The following ZNF407 variants were observed in gnomAD, a reference collection of about 807,000 sequenced individuals.
ZNF407 encodes the protein zinc finger protein 407.
A neutral mutation model predicts 131.2 loss-of-function variants in ZNF407; 17 were observed. That is an observed-to-expected ratio of 0.13 (90% CI 0.09 to 0.19). The LOEUF is 0.19. Among genes scored for constraint, ZNF407 ranks in the 10% least tolerant of loss-of-function variants. The probability of loss-of-function intolerance (pLI) is 1.00; values close to 1 mark genes in which losing one functional copy is unlikely to be tolerated. For missense variants in ZNF407, 2,681 were observed against 2,830.6 expected (o/e 0.95, Z 1.20); for synonymous variants, 1,156 against 1,062.0 (o/e 1.09, Z -1.72).
At chr18:75,039,717 G>GCT (rs1973350304) in intron 8 of ZNF407, among the ~76,000 whole-genome samples, 1 of 55,136 alleles carries the variant, frequency 1.8e-5, no homozygotes, top group Non-Finnish European at 3.4e-5. Context: ...CAGGGGCCAA[G>GCT]CTTTTTTTTT....
At chr18:74,755,885 C>CTTTTTTTTTTTTTTTTTT (rs34750560) in intron 3 of ZNF407, among the ~76,000 whole-genome samples, 1 of 25,822 alleles carries the variant, frequency 3.9e-5, no homozygotes, top group Non-Finnish European at 6.0e-5. Context: ...CTTTTCCTTC[C>CTTTTTTTTTTTTTTTTTT]TTTTTTTTTT....
intron 8 of ZNF407, among the ~76,000 whole-genome samples, chr18:75,033,930 A>G (rs542610087): frequency 1.3e-5 from 2 of 152,336 alleles, no homozygotes; most frequent in Admixed American, 6.5e-5. Flanking sequence ...ATTAATATTT[A>G]TAGTGAAAAT....
chr18:74,950,818 G>T (rs888189786), intron 8 of ZNF407, among the ~76,000 whole-genome samples: 3 of 152,112 alleles, frequency 2.0e-5, no homozygotes, highest in African/African-American at 7.2e-5. Flanking sequence ...TCTCTCACCT[G>T]ACTCTCCAGG....
intron 8 of ZNF407, among the ~76,000 whole-genome samples, chr18:74,948,264 G>A (rs77112478): frequency 0.016 from 2,392 of 152,198 alleles, 67 homozygotes; most frequent in African/African-American, 0.053. Flanking sequence ...CACTTTATGT[G>A]CCATGGGAGT....
chr18:74,741,259 C>T (rs568658514), intron 3 of ZNF407, among the ~76,000 whole-genome samples: 1 of 152,210 alleles, frequency 6.6e-6, no homozygotes, highest in South Asian at 2.1e-4. Context: ...CATACATACA[C>T]ACACTTATGT....
chr18:74,751,325 A>G (rs1314021932), intron 3 of ZNF407, among the ~76,000 whole-genome samples: 1 of 152,036 alleles, frequency 6.6e-6, no homozygotes, highest in Non-Finnish European at 1.5e-5. Flanking sequence ...TAATGTGGCT[A>G]CGCACGTCTC....
At chr18:74,964,290 A>G (rs532580377) in intron 8 of ZNF407, among the ~76,000 whole-genome samples, 6 of 152,312 alleles carry the variant, frequency 3.9e-5, no homozygotes, top group African/African-American at 1.2e-4. Flanking sequence ...GTAGGTAGCA[A>G]TGCACACTGT....
chr18:75,007,056 C>T (rs1418076950), intron 8 of ZNF407, among the ~76,000 whole-genome samples: 1 of 151,846 alleles, frequency 6.6e-6, no homozygotes, highest in Non-Finnish European at 1.5e-5. Context: ...TCAACTTTTT[C>T]TGGAGGTTAA....
chr18:74,715,357 G>A (rs1967869338), intron 3 of ZNF407, among the ~76,000 whole-genome samples: 1 of 152,152 alleles, frequency 6.6e-6, no homozygotes, highest in African/African-American at 2.4e-5. Context: ...GTGACTCTAC[G>A]CTGGGTATTG....
At position 74,961,588 on chromosome 18, in the gene ZNF407, C is replaced by G. The variant is rs372102873; in HGVS notation, c.5428+40896C>G. ...ACAAAAAATTAGCTGGGTGTGGTGACGCGTGCCAATAGTCCCAGCTACTCG... is the reference window on the plus strand; with the variant it reads ...ACAAAAAATTAGCTGGGTGTGGTGAGGCGTGCCAATAGTCCCAGCTACTCG... On this transcript the variant is annotated intron_variant, in intron 8 of 8. Coordinates refer to ENST00000299687, the MANE Select transcript of ZNF407 (RefSeq NM_017757.3). Among the ~76,000 whole-genome samples, 10 of 151,994 alleles carry G rather than the reference C, an allele frequency of 6.6e-5. No homozygotes were observed. In the East Asian group the frequency reaches 1.4e-3, roughly 21 times the overall value.
At chr18:74,893,067 T>C (rs1971407432) in intron 7 of ZNF407, among the ~76,000 whole-genome samples, 2 of 152,224 alleles carry the variant, frequency 1.3e-5, no homozygotes. Context: ...TTACTAAGGT[T>C]GAGATCATAT....
At chr18:74,781,676 T>C (rs1969606033) in intron 4 of ZNF407, among the ~76,000 whole-genome samples, 174 bp downstream of exon 4, 1 of 152,158 alleles carries the variant, frequency 6.6e-6, no homozygotes, top group Non-Finnish European at 1.5e-5. Context: ...AAATTTAACA[T>C]ATTTTAATTA....
At chr18:74,937,190 C>A (rs187755065) in intron 8 of ZNF407, among the ~76,000 whole-genome samples, 45 of 152,304 alleles carry the variant, frequency 3.0e-4, no homozygotes, top group African/African-American at 1.0e-3. Context: ...CCTGGGCAAG[C>A]TCTAGAAAGT....
At chr18:74,919,154 A>G (rs535475204) in intron 7 of ZNF407, among the ~76,000 whole-genome samples, 1 of 152,262 alleles carries the variant, frequency 6.6e-6, no homozygotes, top group Admixed American at 6.5e-5. Flanking sequence ...CTTGGACGAT[A>G]CTTCCTATAC....
chr18:74,608,496 A>AC (rs1407971323), intron 1 of ZNF407, among the ~76,000 whole-genome samples: 1 of 151,972 alleles, frequency 6.6e-6, no homozygotes, highest in Non-Finnish European at 1.5e-5. Flanking sequence ...ACAGGAGTGC[A>AC]CCACCACATC....
intron 4 of ZNF407, among the ~76,000 whole-genome samples, chr18:74,817,651 A>G (rs1451629088): frequency 6.6e-6 from 1 of 152,206 alleles, no homozygotes; most frequent in Non-Finnish European, 1.5e-5. Context: ...TTGTTTTTCA[A>G]TAAATGAGTA....
chr18:74,765,628 A>G (rs1969211591), intron 3 of ZNF407, among the ~76,000 whole-genome samples: 1 of 152,096 alleles, frequency 6.6e-6, no homozygotes, highest in South Asian at 2.1e-4. Context: ...TCGTGCTCTC[A>G]TGTAGCTTCT....
intron 4 of ZNF407, among the ~76,000 whole-genome samples, chr18:74,821,032 G>T (rs1274836590): frequency 1.3e-5 from 2 of 152,092 alleles, no homozygotes; most frequent in African/African-American, 4.8e-5. Flanking sequence ...TTTCTTCAGA[G>T]ATTGGGCAGG....
At chr18:74,981,313 C>T (rs1285013421) in intron 8 of ZNF407, among the ~76,000 whole-genome samples, 3 of 152,322 alleles carry the variant, frequency 2.0e-5, no homozygotes, top group East Asian at 1.9e-4. Flanking sequence ...CCGGAAAGTG[C>T]GTCTAGGAGT....
Sources: allele counts gnomAD v4.1 joint callset (sites outside exome capture counted in the v4.1 genomes callset), GRCh38; gene constraint gnomAD v4.1.1; transcripts MANE v1.5; gene names NCBI Gene and HGNC (gene_info 2026-07-23, HGNC 2026-07-21).